The following TYMS variants were observed in gnomAD, a reference collection of about 807,000 sequenced individuals.
TYMS encodes the protein thymidylate synthase.
TYMS carries 21 observed loss-of-function variants against 39.3 expected under a neutral mutation model. The observed-to-expected ratio is 0.54, with a 90% CI of 0.38 to 0.77. TYMS has a LOEUF of 0.77. TYMS is among the 30% of genes least tolerant of loss of function. TYMS has a pLI of 0.00. For missense variants in TYMS, 273 were observed against 406.7 expected (o/e 0.67, Z 2.83); for synonymous variants, 171 against 162.2 (o/e 1.05, Z -0.41).
intron 3 of TYMS, among the ~76,000 whole-genome samples, chr18:668,773 A>G (rs1305765187): frequency 6.6e-6 from 1 of 152,172 alleles, no homozygotes; most frequent in East Asian, 1.9e-4. Context: ...GAGATTGGAA[A>G]GGGTTAGCTA....
chr18:657,853 C>G lies in TYMS; in HGVS notation c.111C>G (p.Ile37Met). The G allele has an allele frequency of 6.6e-7, 1 of 1,507,212 alleles. No individual in the cohort carries two copies. Among genetic ancestry groups the G allele is most frequent in the Non-Finnish European group, 8.8e-7 (1 of 1,135,864 alleles). 93.4% of individuals were successfully genotyped at this position (1,507,212 alleles called of 1,614,324 possible). The change falls in exon 1 of 7, where the codon ATC becomes ATG. Residue 37 changes from isoleucine to methionine, a missense_variant. By Grantham distance (10) the Ile-to-Met change is conservative (BLOSUM62 1). Coordinates refer to ENST00000323274, the MANE Select transcript of TYMS (RefSeq NM_001071.4). Reference protein sequence around the residue: ...PHGELQYLGQIQHILRCGVRK... With the variant: ...PHGELQYLGQMQHILRCGVRK... ...GGGAGCTGCAGTACCTGGGGCAGAT[C>G]CAACACATCCTCCGCTGCGGCGTCA...
chr18:669,212 A>T, intron 4 of TYMS, 39 bp downstream of exon 4: 1 of 1,567,842 alleles, frequency 6.4e-7, no homozygotes, highest in Non-Finnish European at 8.8e-7. Context: ...TACTAACCAT[A>T]CTCTTAGAGG....
In TYMS at chr18:657,812, C is replaced by G; in HGVS notation, c.70C>G (p.Pro24Ala). ...PPAAQERDAE[P>A]RPPHGELQYL... ...CGCCGCACAGGAGCGGGACGCCGAG[C>G]CGCGTCCGCCGCACGGGGAGCTGCA... The change falls in exon 1 of 7, where the codon CCG becomes GCG. Residue 24 changes from proline to alanine, a missense_variant. Physicochemically the swap from Pro to Ala is conservative, Grantham distance 27 (BLOSUM62 -1). Transcript: ENST00000323274. 6.8e-7 allele frequency: 1 copy of G among 1,463,136 alleles called. No homozygotes were observed. Among genetic ancestry groups the G allele is most frequent in the Non-Finnish European group, 9.0e-7 (1 of 1,114,938 alleles). 90.6% of individuals were successfully genotyped at this position (1,463,136 alleles called of 1,614,324 possible).
chr18:667,970 T>C (rs1340765007), intron 3 of TYMS, among the ~76,000 whole-genome samples: 1 of 150,630 alleles, frequency 6.6e-6, no homozygotes, highest in African/African-American at 2.5e-5. Context: ...TGTTTTTAAT[T>C]TTGTTTTACA....
rs61749935 is a variant in TYMS, at chr18:672,934, T to G, written c.879T>G (p.Ala293=). The G allele has an allele frequency of 4.4e-4, 696 of 1,597,498 alleles. 4 individuals are homozygous for G. Among genetic ancestry groups the G allele is most frequent in the Middle Eastern group, 1.7e-4 (1 of 5,990 alleles). ...TTGAGAAAATTGATGACTTCAAAGC[T>G]GAAGACTTTCAGATTGAAGGGTACA... The part of the protein sequence containing the change: ...RKVEKIDDFK[A]EDFQIEGYNP... Residue 293 remains alanine, a synonymous_variant, in exon 7 of 7, where the codon GCT becomes GCG. Transcript: ENST00000323274.
chr18:662,394 A>G (rs1158084538), intron 3 of TYMS, 74 bp downstream of exon 3: 2 of 1,401,922 alleles, frequency 1.4e-6, no homozygotes, highest in African/African-American at 2.9e-5. Flanking sequence ...TGTTTTAGAT[A>G]AGGTCTGGGG....
rs999396366 is a variant in TYMS at position 660,388 on chromosome 18, C to T, written c.279+674C>T. 1.1e-4 allele frequency among the ~76,000 whole-genome samples: 17 copies of T among 152,196 alleles called. No homozygotes were observed. The highest frequency in any genetic ancestry group is 2.0e-4 in the Admixed American group (3 of 15,278). On this transcript the variant is annotated intron_variant, in intron 2 of 6. Coordinates refer to ENST00000323274, the MANE Select transcript of TYMS (RefSeq NM_001071.4). The surrounding 1 kb of genome is among the most constrained non-coding windows in gnomAD (Gnocchi z 4.6). ...AACCTCCTTGGTGTTTCTCCATAGA[C>T]GAACATCACCATCTGATGTATGTCA...
At chr18:671,266 T>C (rs75213306) in intron 5 of TYMS, 114 bp from the exon 6 acceptor site, 1 of 789,828 alleles carries the variant, frequency 1.3e-6, no homozygotes, top group African/African-American at 1.7e-5. Flanking sequence ...AAAGCTACAC[T>C]AAATTATTTT....
At chr18:663,792 G>A (rs1212389135) in intron 3 of TYMS, among the ~76,000 whole-genome samples, 1 of 102,534 alleles carries the variant, frequency 9.8e-6, no homozygotes, top group Non-Finnish European at 1.9e-5. Context: ...CCCATTGCTT[G>A]TTTTTCTCAG....
chr18:666,902 GA>G (rs1244082903), intron 3 of TYMS, among the ~76,000 whole-genome samples: 1 of 56,382 alleles, frequency 1.8e-5, no homozygotes, highest in Admixed American at 1.9e-4. Flanking sequence ...GATGGTGATG[GA>G]GATGGTGATG....
intron 4 of TYMS, among the ~76,000 whole-genome samples, chr18:669,674 C>T (rs1374838349): frequency 2.0e-5 from 3 of 152,022 alleles, no homozygotes; most frequent in Non-Finnish European, 4.4e-5. Flanking sequence ...CATTCTTACA[C>T]CAAAAAGGGT....
intron 3 of TYMS, among the ~76,000 whole-genome samples, chr18:667,304 TGATGGTGATGGA>T (rs2074863451): frequency 3.6e-5 from 1 of 27,448 alleles, no homozygotes; most frequent in Admixed American, 3.2e-4. Context: ...ATGGTGATGG[TGATGGTGATGGA>T]GATGGTGATG....
chr18:670,514 T>C, intron 4 of TYMS, 178 bp from the exon 5 acceptor site: 1 of 620,744 alleles, frequency 1.6e-6, no homozygotes, highest in Non-Finnish European at 2.8e-6. Context: ...ATGGATAGTC[T>C]CCCTCAGCTC....
At position 672,964 on chromosome 18, in the gene TYMS, G is replaced by T. The variant is rs369944864; in HGVS notation, c.909G>T (p.Pro303=). ...ACTTTCAGATTGAAGGGTACAATCC[G>T]CATCCAACTATTAAAATGGAAATGG... The part of the protein sequence containing the change: ...AEDFQIEGYN[P]HPTIKMEMAV The change falls in exon 7 of 7, where the codon CCG becomes CCT. Residue 303 remains proline (P), a synonymous_variant. Coordinates refer to ENST00000323274, the MANE Select transcript of TYMS (RefSeq NM_001071.4). 4 of 1,574,362 alleles carry T rather than the reference G, an allele frequency of 2.5e-6. No individual in the cohort carries two copies. Among genetic ancestry groups the T allele is most frequent in the South Asian group, 2.3e-5 (2 of 86,694 alleles).
At chr18:662,419 A>C in intron 3 of TYMS, 99 bp downstream of exon 3, 1 of 1,154,024 alleles carries the variant, frequency 8.7e-7, no homozygotes, top group Non-Finnish European at 1.2e-6. Flanking sequence ...AGTCAATGTC[A>C]CAGGAGCTGA....
rs1567989343 is a variant in TYMS at position 666,907 on chromosome 18, GGT to G, written c.455-2163_455-2162del. 1.6e-3 allele frequency among the ~76,000 whole-genome samples: 77 copies of G among 49,092 alleles called. 15 individuals carry two copies. The highest frequency in any genetic ancestry group is 7.1e-3 in the East Asian group (12 of 1,682). The allele number at this position is 49,092 out of a possible 152,430, so 32.2% of individuals were successfully genotyped here. A position where few individuals can be genotyped will look rare whatever the true frequency, so the allele number is the denominator to read the frequency against. ...AAGTTCGGGAGATGGTGATGGAGAT[GGT>G]GATGGTGATGGAGATGGTGATGGTG... On this transcript the variant is annotated intron_variant, in intron 3 of 6. Transcript: ENST00000323274.
chr18:657,836 C>A lies in TYMS; in HGVS notation c.94C>A (p.Gln32Lys). Residue 32 changes from glutamine (Q) to lysine (K), a missense_variant, in exon 1 of 7, where the codon CAG becomes AAG. By Grantham distance (53) the Gln-to-Lys change is moderately conservative. Transcript: ENST00000323274. ...GCCGCGTCCGCCGCACGGGGAGCTG[C>A]AGTACCTGGGGCAGATCCAACACAT... The part of the protein sequence containing the change: ...AEPRPPHGEL[Q>K]YLGQIQHILR... 2 of 1,488,360 alleles carry A rather than the reference C, an allele frequency of 1.3e-6. No homozygotes were observed. The highest frequency in any genetic ancestry group is 1.8e-6 in the Non-Finnish European group (2 of 1,129,072). The allele number at this position is 1,488,360 out of a possible 1,614,324, so 92.2% of individuals were successfully genotyped here. A position where few individuals can be genotyped will look rare whatever the true frequency, so the allele number is the denominator to read the frequency against.
intron 3 of TYMS, among the ~76,000 whole-genome samples, chr18:666,951 TGATGGAGATGGA>T (rs1244821106): frequency 0.014 from 304 of 21,278 alleles, 22 homozygotes; most frequent in Middle Eastern, 0.028. Flanking sequence ...ATGGTGATGG[TGATGGAGATGGA>T]GATGGTGATG....
rs1278431136 is a variant in TYMS at position 660,316 on chromosome 18, G to A, written c.279+602G>A. 6.6e-6 allele frequency among the ~76,000 whole-genome samples: 1 copy of A among 152,026 alleles called. No homozygotes were observed. The highest frequency in any genetic ancestry group is 2.4e-5 in the African/African-American group (1 of 41,376). On this transcript the variant is annotated intron_variant, in intron 2 of 6. Coordinates refer to ENST00000323274, the MANE Select transcript of TYMS (RefSeq NM_001071.4). This position sits in a 1 kb window ranked among gnomAD's most constrained non-coding sequence, Gnocchi z 4.6. ...CTTCCTTTGAGTCTCTACTCCACTC[G>A]GGCAAGCCTTCCTAGACCTCCTGAT... is the stretch of plus-strand genomic sequence containing the variant.
Sources: gnomAD v4.1 joint callset for allele counts (sites outside exome capture counted in the v4.1 genomes callset) on GRCh38, gnomAD v4.1.1 for gene constraint, Gnocchi (gnomAD v3.1) non-coding constraint, MANE v1.5 for transcripts, NCBI Gene and HGNC (gene_info 2026-07-23, HGNC 2026-07-21) for gene names.